ZNF43: variants seen among roughly 807,000 people sequenced by gnomAD.
ZNF43 encodes the protein zinc finger protein 39-like 1 (KOX 27).
Under a neutral mutation model 68.4 loss-of-function variants are expected in ZNF43, and 44 were observed. The observed-to-expected ratio is 0.64, with a 90% CI of 0.51 to 0.83. The LOEUF is 0.83. Ranked by LOEUF, ZNF43 falls within the 40% of genes least tolerant of loss-of-function variation. The pLI, the probability that ZNF43 is intolerant of heterozygous loss-of-function variation, is 0.00. For missense variants in ZNF43, 896 were observed against 933.2 expected, an observed-to-expected ratio of 0.96 and a Z score of 0.52; for synonymous variants, 308 against 307.8, an observed-to-expected ratio of 1.00 and a Z score of -0.01.
intron 3 of ZNF43, 57 bp downstream of exon 3, chr19:21,817,831 C>T (rs1297681133): frequency 7.8e-6 from 12 of 1,536,736 alleles, no homozygotes; most frequent in Non-Finnish European, 9.0e-6. Context: ...CTGGCTTTCC[C>T]CTTAACCTTT....
chr19:21,810,524 C>G (rs749682406), intron 3 of ZNF43, among the ~76,000 whole-genome samples: 1 of 152,164 alleles, frequency 6.6e-6, no homozygotes, highest in Non-Finnish European at 1.5e-5. Flanking sequence ...ACATGGACAT[C>G]CAAACCATAT....
chr19:21,817,583 G>A (rs1195976203), intron 3 of ZNF43, among the ~76,000 whole-genome samples: 1 of 152,162 alleles, frequency 6.6e-6, no homozygotes, highest in African/African-American at 2.4e-5. Context: ...GCAGATATTT[G>A]TGTGTCCCCC....
At chr19:21,838,987 T>A (rs1239031923), upstream of ZNF43, 1 of 152,060 alleles carries the variant, frequency 6.6e-6, no homozygotes, top group Non-Finnish European at 1.5e-5. Flanking sequence ...CATATTTAGA[T>A]CATGGATGCA....
chr19:21,839,331 C>CAAAAAAAAAAAAAAAAAAAAAAAAAAA (rs61335194), upstream of ZNF43, among the ~76,000 whole-genome samples: 4 of 28,298 alleles, frequency 1.4e-4, 1 homozygote, highest in African/African-American at 2.3e-4. Flanking sequence ...AGAGATCAGG[C>CAAAAAAAAAAAAAAAAAAAAAAAAAAA]AAAAAAAAAA....
chr19:21,840,881 G>GGGTCTAGA (rs1167070502), upstream of ZNF43: 1 of 152,106 alleles, frequency 6.6e-6, no homozygotes, highest in African/African-American at 2.4e-5. Flanking sequence ...CCAATTGGCT[G>GGGTCTAGA]GGTCTAGAGA....
intron 1 of ZNF43, chr19:21,851,843 C>G: frequency 6.6e-7 from 1 of 1,510,362 alleles, no homozygotes; most frequent in Non-Finnish European, 8.9e-7. Context: ...TGTGAGGAGG[C>G]CGGTCCCGCC....
intron 1 of ZNF43, among the ~76,000 whole-genome samples, chr19:21,828,946 T>G (rs1599505080): frequency 7.4e-6 from 1 of 135,772 alleles, no homozygotes; most frequent in Non-Finnish European, 1.5e-5. Context: ...GCCAGGAGAA[T>G]GGCGTGAACC....
chr19:21,844,341 C>A (rs1300343761), intron 1 of ZNF43, among the ~76,000 whole-genome samples: 1 of 107,124 alleles, frequency 9.3e-6, no homozygotes, highest in African/African-American at 4.2e-5. Context: ...AAGGGAGACT[C>A]TGTCTCAAAA....
At chr19:21,832,487 G>A (rs2038468751) in intron 1 of ZNF43, among the ~76,000 whole-genome samples, 1 of 152,116 alleles carries the variant, frequency 6.6e-6, no homozygotes, top group Admixed American at 6.6e-5. Context: ...TTTCATGATG[G>A]AGATACCAAA....
chr19:21,808,125 T>A lies in ZNF43; in HGVS notation c.1912A>T (p.Thr638Ser), dbSNP rs2037051231. 2 of 1,613,190 alleles carry A rather than the reference T, an allele frequency of 1.2e-6. No homozygotes were observed. Among genetic ancestry groups the A allele is most frequent in the East Asian group, 4.5e-5 (2 of 44,812 alleles). The change falls in exon 4 of 4, where the codon ACT becomes TCT. Residue 638 changes from threonine to serine, a missense_variant. Coordinates refer to ENST00000354959, the MANE Select transcript of ZNF43 (RefSeq NM_003423.4). ...GKAFNQFSTL[T>S]KHKIIHTEEK... ...TCAGTGTGAATTATCTTATGTTTAGTAAGAGTTGAGAACTGGTTAAAAGCT... is the reference window on the plus strand; with the variant it reads ...TCAGTGTGAATTATCTTATGTTTAGAAAGAGTTGAGAACTGGTTAAAAGCT...
chr19:21,828,202 T>C (rs914313069), intron 1 of ZNF43, among the ~76,000 whole-genome samples: 49 of 152,246 alleles, frequency 3.2e-4, no homozygotes, highest in Admixed American at 3.1e-3. Flanking sequence ...CTAGTCATAA[T>C]GTATGTAGTA....
intron 1 of ZNF43, among the ~76,000 whole-genome samples, chr19:21,834,265 G>T (rs1246964050): frequency 6.6e-6 from 1 of 150,494 alleles, no homozygotes; most frequent in Non-Finnish European, 1.5e-5. Flanking sequence ...TTGAATCAGG[G>T]AGGCAGAGGT....
At chr19:21,817,626 C>T (rs1474330277) in intron 3 of ZNF43, among the ~76,000 whole-genome samples, 1 of 152,162 alleles carries the variant, frequency 6.6e-6, no homozygotes, top group East Asian at 1.9e-4. Context: ...ATTGTTCAGT[C>T]TCTTAAATGT....
chr19:21,821,487 A>G (rs890057362), intron 1 of ZNF43, among the ~76,000 whole-genome samples: 2 of 152,122 alleles, frequency 1.3e-5, no homozygotes, highest in Non-Finnish European at 1.5e-5. Flanking sequence ...TCTTGTTTAA[A>G]CAAGCATTTT....
intron 1 of ZNF43, among the ~76,000 whole-genome samples, chr19:21,850,501 A>T (rs1309994662): frequency 1.3e-5 from 2 of 151,894 alleles, no homozygotes; most frequent in African/African-American, 2.4e-5. Flanking sequence ...CGGAAGTTGC[A>T]GTGAGCCGAG....
chr19:21,831,347 ATTTTT>A (rs1013358211), intron 1 of ZNF43, among the ~76,000 whole-genome samples: 1 of 149,592 alleles, frequency 6.7e-6, no homozygotes, highest in African/African-American at 2.5e-5. Flanking sequence ...TCAGCAGAAA[ATTTTT>A]TTTTTTTAAT....
At chr19:21,832,314 C>G (rs1434422834) in intron 1 of ZNF43, among the ~76,000 whole-genome samples, 1 of 152,084 alleles carries the variant, frequency 6.6e-6, no homozygotes, top group Non-Finnish European at 1.5e-5. Context: ...GCTAAAATAA[C>G]TAGCTAATAC....
chr19:21,813,341 A>G (rs2037372652), intron 3 of ZNF43, among the ~76,000 whole-genome samples: 1 of 152,216 alleles, frequency 6.6e-6, no homozygotes, highest in Non-Finnish European at 1.5e-5. Context: ...ATAACAGAAA[A>G]TGCAGGACCT....
chr19:21,851,748 G>C (rs1415620475), intron 1 of ZNF43, among the ~76,000 whole-genome samples: 1 of 152,148 alleles, frequency 6.6e-6, no homozygotes, highest in Non-Finnish European at 1.5e-5. Flanking sequence ...GGACGCGGGA[G>C]GCTCGGCTGC....
Sources: allele counts gnomAD v4.1 joint callset (sites outside exome capture counted in the v4.1 genomes callset), GRCh38; gene constraint gnomAD v4.1.1; transcripts MANE v1.5; gene names NCBI Gene and HGNC (gene_info 2026-07-23, HGNC 2026-07-21).